The following CHD6 variants were observed in gnomAD, a reference collection of about 807,000 sequenced individuals.
CHD6 encodes the protein ATP-dependent chromatin remodeler CHD6.
In CHD6, 50 loss-of-function variants were observed where a neutral mutation model predicts 276.9. The observed-to-expected ratio is 0.18, with a 90% CI of 0.14 to 0.23. The LOEUF is 0.23. Ranked by LOEUF, CHD6 falls within the 10% of genes least tolerant of loss-of-function variation. The pLI is 1.00. For missense variants in CHD6, 2,564 were observed against 3,365.8 expected, an observed-to-expected ratio of 0.76 and a Z score of 5.89; for synonymous variants, 1,173 against 1,229.3, an observed-to-expected ratio of 0.95 and a Z score of 0.96.
intron 19 of CHD6, 67 bp downstream of exon 19, chr20:41,455,733 G>T: frequency 9.2e-7 from 1 of 1,082,656 alleles, no homozygotes; most frequent in Non-Finnish European, 1.3e-6. Flanking sequence ...CCTGCTAATG[G>T]GTTTCAGAGA....
chr20:41,553,865 A>G (rs1171350122), intron 1 of CHD6, among the ~76,000 whole-genome samples: 2 of 152,202 alleles, frequency 1.3e-5, no homozygotes, highest in Non-Finnish European at 2.9e-5. Context: ...AAAATTACAG[A>G]AAGGTCAGGT....
chr20:41,542,139 C>T (rs1269873999), intron 2 of CHD6, among the ~76,000 whole-genome samples: 3 of 152,146 alleles, frequency 2.0e-5, no homozygotes, highest in Non-Finnish European at 4.4e-5. Flanking sequence ...CCTAATCTGC[C>T]TAAGTGGAAT....
intron 1 of CHD6, chr20:41,564,125 G>C: frequency 1.3e-6 from 1 of 773,516 alleles, no homozygotes. Context: ...TGGTACAAAA[G>C]CCAATCATAT....
At chr20:41,448,418 G>A (rs1038481153) in intron 23 of CHD6, among the ~76,000 whole-genome samples, 9 of 152,180 alleles carry the variant, frequency 5.9e-5, no homozygotes, top group Non-Finnish European at 8.8e-5. Flanking sequence ...GTGGCAATAT[G>A]TCTTCTCTTC....
At chr20:41,504,888 G>A (rs2043939947) in intron 5 of CHD6, among the ~76,000 whole-genome samples, 1 of 152,090 alleles carries the variant, frequency 6.6e-6, no homozygotes, top group African/African-American at 2.4e-5. Flanking sequence ...GGACACTGTG[G>A]ATAAACAAAT....
At chr20:41,501,808 T>G (rs1358540538) in intron 5 of CHD6, among the ~76,000 whole-genome samples, 1 of 152,208 alleles carries the variant, frequency 6.6e-6, no homozygotes, top group African/African-American at 2.4e-5. Flanking sequence ...GAGTTCTGGG[T>G]GACTTGATAA....
intron 17 of CHD6, among the ~76,000 whole-genome samples, chr20:41,464,786 A>G (rs929062812): frequency 6.6e-6 from 1 of 152,218 alleles, no homozygotes; most frequent in Non-Finnish European, 1.5e-5. Flanking sequence ...AAAGAAAGCA[A>G]GGATCGTTGG....
intron 2 of CHD6, chr20:41,547,309 T>C (rs187102432): frequency 1.8e-3 from 351 of 191,418 alleles, no homozygotes; most frequent in Non-Finnish European, 3.0e-3. Context: ...ATTACTTCCA[T>C]TTAAATGACA....
At chr20:41,572,347 A>G (rs1017785886) in intron 1 of CHD6, among the ~76,000 whole-genome samples, 1 of 152,184 alleles carries the variant, frequency 6.6e-6, no homozygotes, top group East Asian at 1.9e-4. Flanking sequence ...CCACATGCAC[A>G]AAGCACAAAG....
intron 4 of CHD6, among the ~76,000 whole-genome samples, chr20:41,514,464 C>G (rs1039382781): frequency 6.6e-6 from 1 of 152,154 alleles, no homozygotes; most frequent in Non-Finnish European, 1.5e-5. Flanking sequence ...ACGGGCTGGC[C>G]TGGCACTCTG....
chr20:41,474,545 A>G (rs1459070303), intron 16 of CHD6, among the ~76,000 whole-genome samples: 1 of 152,176 alleles, frequency 6.6e-6, no homozygotes, highest in Non-Finnish European at 1.5e-5. Context: ...CAGAAGTAAT[A>G]GGAAACGTGT....
chr20:41,495,177 C>A (rs1436533938), intron 8 of CHD6, among the ~76,000 whole-genome samples: 1 of 152,032 alleles, frequency 6.6e-6, no homozygotes, highest in Non-Finnish European at 1.5e-5. Flanking sequence ...TTATTATTCA[C>A]AATAGTCAAG....
Position 41,494,401 on chromosome 20 carries a change from T to C in CHD6, c.1093-457A>G, listed in dbSNP as rs116603828. The stretch of plus-strand genomic sequence containing the variant: ...TAGTAGTTACACAAATGTGTTTACA[T>C]TGTAAAAATTCATTGAGATGTATAC... On this transcript the variant is annotated intron_variant, in intron 8 of 36. Transcript: ENST00000373233. 2.0e-4 allele frequency among the ~76,000 whole-genome samples: 31 copies of C among 152,330 alleles called. 1 individual carries two copies. The highest frequency in any genetic ancestry group is 7.5e-4 in the African/African-American group (31 of 41,582).
At chr20:41,527,987 C>T (rs767727262) in intron 3 of CHD6, among the ~76,000 whole-genome samples, 1 of 152,212 alleles carries the variant, frequency 6.6e-6, no homozygotes, top group Non-Finnish European at 1.5e-5. Context: ...TCCCCAGATT[C>T]CAGTGCCATA....
At chr20:41,418,120 C>T (rs1052808018) in intron 31 of CHD6, among the ~76,000 whole-genome samples, 5 of 152,290 alleles carry the variant, frequency 3.3e-5, no homozygotes, top group East Asian at 1.9e-4. Context: ...GGAGCTGCAG[C>T]GACCTGACCA....
intron 20 of CHD6, among the ~76,000 whole-genome samples, chr20:41,453,381 G>C (rs1055064483): frequency 6.6e-6 from 1 of 151,976 alleles, no homozygotes; most frequent in South Asian, 2.1e-4. Context: ...GAAGACAAAC[G>C]CATATTCCTG....
chr20:41,415,553 G>A lies in CHD6; in HGVS notation c.6572C>T (p.Ala2191Val). ...YEFEVERDAK[A>V]RGLEQFSATH... is the part of the protein sequence containing the mutation. ...GGCAGAGAACTGCTCCAGGCCCCGAGCCTTTGCATCCCTCTCCACCTCAAA... is the reference window on the plus strand; with the variant it reads ...GGCAGAGAACTGCTCCAGGCCCCGAACCTTTGCATCCCTCTCCACCTCAAA... Residue 2191 changes from alanine (A) to valine (V), a missense_variant, in exon 34 of 37, where the codon GCT (alanine) becomes GTT (valine). Physicochemically the swap from Ala to Val is moderately conservative, Grantham distance 64. Transcript: ENST00000373233. 6.2e-7 allele frequency: 1 copy of A among 1,614,118 alleles called. No individual in the cohort carries two copies. Among genetic ancestry groups the A allele is most frequent in the Non-Finnish European group, 8.5e-7 (1 of 1,180,024 alleles).
At position 41,489,889 on chromosome 20, in the gene CHD6, G is replaced by A; in HGVS notation, c.1569C>T (p.Asn523=). 1.2e-6 allele frequency: 2 copies of A among 1,614,004 alleles called. No homozygotes were observed. The highest frequency in any genetic ancestry group is 1.7e-6 in the Non-Finnish European group (2 of 1,179,960). The change falls in exon 12 of 37, where the codon AAC becomes AAT. Residue 523 remains asparagine (N), a synonymous_variant. Coordinates refer to ENST00000373233, the MANE Select transcript of CHD6 (RefSeq NM_032221.5). ...LIIAPLSTIT[N]WEREFRTWTE... Reference sequence around the variant, plus strand: ...TCCATGTCCGGAACTCCCGCTCCCAGTTAGTGATGGTGGAGAGAGGGGCGA... The same window carrying A: ...TCCATGTCCGGAACTCCCGCTCCCAATTAGTGATGGTGGAGAGAGGGGCGA...
At position 41,479,140 on chromosome 20, in the gene CHD6, A is replaced by AAG. The variant is rs530806225; in HGVS notation, c.2468+4167_2468+4168dup. Among the ~76,000 whole-genome samples, 80 of 152,236 alleles carry AAG rather than the reference A, an allele frequency of 5.3e-4. No homozygotes were observed. The East Asian group carries it at 0.012, about 24-fold the overall frequency. ...AGTCAGTGAACTTGAAGACAGATAAAAGAGAGAGAAAAAGGGTTTTTAAAA... is the reference window on the plus strand; with the variant it reads ...AGTCAGTGAACTTGAAGACAGATAAAAGAGAGAGAGAAAAAGGGTTTTTAAAA... On this transcript the variant is annotated intron_variant, in intron 16 of 36. Coordinates refer to ENST00000373233, the MANE Select transcript of CHD6 (RefSeq NM_032221.5).
Sources: allele counts gnomAD v4.1 joint callset (sites outside exome capture counted in the v4.1 genomes callset), GRCh38; gene constraint gnomAD v4.1.1; transcripts MANE v1.5; gene names NCBI Gene and HGNC (gene_info 2026-07-23, HGNC 2026-07-21).